Variants in GRM3 observed in about 807,000 individuals in gnomAD.
GRM3 encodes the protein metabotropic glutamate receptor 3.
GRM3 carries 26 observed loss-of-function variants against 70.5 expected under a neutral mutation model. That is an observed-to-expected ratio of 0.37 (90% CI 0.27 to 0.51). The LOEUF (loss-of-function observed/expected upper bound fraction) is 0.51, where lower values mean the gene tolerates loss of function less well. Ranked by LOEUF, GRM3 falls within the 20% of genes least tolerant of loss-of-function variation. The pLI, the probability that GRM3 is intolerant of heterozygous loss-of-function variation, is 0.93. For synonymous variants in GRM3, 443 were observed against 434.9 expected, an observed-to-expected ratio of 1.02 and a Z score of -0.23; for missense variants, 859 against 1,123.8, an observed-to-expected ratio of 0.76 and a Z score of 3.37.
chr7:86,863,633 C>A (rs767604313), intron 5 of GRM3, among the ~76,000 whole-genome samples: 5 of 152,096 alleles, frequency 3.3e-5, no homozygotes, highest in Non-Finnish European at 7.4e-5. Context: ...TATATCAAAC[C>A]AGTCTCTAAG....
chr7:86,670,418 T>C (rs1050361494), intron 1 of GRM3, among the ~76,000 whole-genome samples: 3 of 152,178 alleles, frequency 2.0e-5, no homozygotes, highest in Admixed American at 2.0e-4. Context: ...TGCCTGTCAA[T>C]TTCTCGTGTC....
chr7:86,847,786 T>G (rs1200358341), intron 4 of GRM3, among the ~76,000 whole-genome samples: 8 of 152,080 alleles, frequency 5.3e-5, no homozygotes, highest in Non-Finnish European at 1.2e-4. Context: ...GAACACAGAA[T>G]TACAGATAAA....
intron 1 of GRM3, among the ~76,000 whole-genome samples, chr7:86,686,089 T>C (rs1794560007): frequency 6.6e-6 from 1 of 152,114 alleles, no homozygotes; most frequent in African/African-American, 2.4e-5. Flanking sequence ...TGTCAGACTC[T>C]CACACTATAA....
intron 1 of GRM3, among the ~76,000 whole-genome samples, chr7:86,676,401 A>G (rs1189712969): frequency 6.7e-6 from 1 of 149,440 alleles, no homozygotes; most frequent in East Asian, 2.0e-4. Context: ...TAACAAGGTA[A>G]AATACCAAAT....
intron 1 of GRM3, among the ~76,000 whole-genome samples, chr7:86,747,780 C>A (rs1013965006): frequency 6.6e-6 from 1 of 152,136 alleles, no homozygotes; most frequent in Non-Finnish European, 1.5e-5. Context: ...TCTTCAAGAA[C>A]ATAACACAGT....
chr7:86,782,689 G>A (rs544003145), intron 2 of GRM3, among the ~76,000 whole-genome samples: 2 of 152,322 alleles, frequency 1.3e-5, no homozygotes, highest in East Asian at 1.9e-4. Flanking sequence ...CCCATTCTGT[G>A]TTGCTGGTTC....
At chr7:86,769,612 T>C (rs1796689192) in intron 2 of GRM3, among the ~76,000 whole-genome samples, 1 of 152,172 alleles carries the variant, frequency 6.6e-6, no homozygotes, top group African/African-American at 2.4e-5. Flanking sequence ...ATAGGAGATA[T>C]GCCATGCTGT....
Position 86,859,775 on chromosome 7 carries a change from T to C in GRM3, c.2567-4507T>C, listed in dbSNP as rs191076820. The stretch of plus-strand genomic sequence containing the variant: ...ATTAAATAAATATATTTAGCATTGA[T>C]TGAGGGTCCAATTATCTGAAAAAAT... On this transcript the variant is annotated intron_variant, in intron 5 of 5. Coordinates refer to ENST00000361669, the MANE Select transcript of GRM3 (RefSeq NM_000840.3). Among the ~76,000 whole-genome samples, 30 of 152,310 alleles carry C rather than the reference T, an allele frequency of 2.0e-4. No individual in the cohort carries two copies. The East Asian group carries it at 4.3e-3, about 22-fold the overall frequency.
At chr7:86,801,500 A>G (rs546591846) in intron 3 of GRM3, among the ~76,000 whole-genome samples, 1 of 152,326 alleles carries the variant, frequency 6.6e-6, no homozygotes, top group East Asian at 1.9e-4. Flanking sequence ...GGCAATGGTG[A>G]CATATGTACA....
chr7:86,800,558 G>A lies in GRM3; in HGVS notation c.1324+13442G>A, dbSNP rs146720382. ...ATATAGAATAAATGGATAAATTCCT[G>A]GACACATACATCTTCCCAAGGCTGA... On this transcript the variant is annotated intron_variant, in intron 3 of 5. Transcript: ENST00000361669. Among the ~76,000 whole-genome samples the A allele has an allele frequency of 2.4e-4, 37 of 152,194 alleles. 1 individual carries two copies. Among genetic ancestry groups the A allele is most frequent in the African/African-American group, 7.9e-4 (33 of 41,532 alleles).
chr7:86,858,097 C>T (rs1444328867), intron 5 of GRM3, among the ~76,000 whole-genome samples: 1 of 152,072 alleles, frequency 6.6e-6, no homozygotes, highest in Non-Finnish European at 1.5e-5. Context: ...GCTGGGACTA[C>T]AGGCACCCGC....
intron 1 of GRM3, among the ~76,000 whole-genome samples, chr7:86,763,443 A>G (rs1796528394): frequency 6.6e-6 from 1 of 152,162 alleles, no homozygotes; most frequent in East Asian, 1.9e-4. Flanking sequence ...AGTGCTAGAA[A>G]GCTGAGTGTC....
chr7:86,718,018 G>A (rs1649581109), intron 1 of GRM3, among the ~76,000 whole-genome samples: 1 of 120,504 alleles, frequency 8.3e-6, no homozygotes, highest in Admixed American at 9.5e-5. Flanking sequence ...AATTCTCATG[G>A]GTTCCTAAAA....
rs374144916 is a variant in GRM3, at chr7:86,839,160, G to T, written c.1646G>T (p.Cys549Phe). The change falls in exon 4 of 6, where the codon TGT (cysteine) becomes TTT (phenylalanine). Residue 549 changes from cysteine to phenylalanine, a missense_variant. Physicochemically the swap from Cys to Phe is radical, Grantham distance 205 (BLOSUM62 -2). Transcript: ENST00000361669. The surrounding 1 kb of genome is among the most constrained non-coding windows in gnomAD (Gnocchi z 4.5). ...GCTGATGAGTTTACCTGTATGGATT[G>T]TGGGTCTGGACAGTGGCCCACTGCA... Reference protein sequence around the residue: ...YLADEFTCMDCGSGQWPTADL... With the variant: ...YLADEFTCMDFGSGQWPTADL... The T allele has an allele frequency of 6.2e-7, 1 of 1,614,048 alleles. No individual in the cohort carries two copies.
chr7:86,656,193 C>T (rs1257616644), intron 1 of GRM3, among the ~76,000 whole-genome samples: 2 of 151,128 alleles, frequency 1.3e-5, no homozygotes, highest in Non-Finnish European at 2.9e-5. Flanking sequence ...GCTGGTCCTT[C>T]TCTCATCCTT....
At chr7:86,767,514 C>CATATAT (rs3057233) in intron 2 of GRM3, among the ~76,000 whole-genome samples, 27 of 100,116 alleles carry the variant, frequency 2.7e-4, no homozygotes, top group Non-Finnish European at 4.1e-4. Context: ...GGTCATACTT[C>CATATAT]ATATATATAT....
intron 1 of GRM3, among the ~76,000 whole-genome samples, chr7:86,736,439 T>C (rs1795860315): frequency 1.3e-5 from 2 of 152,210 alleles, no homozygotes; most frequent in Non-Finnish European, 2.9e-5. Flanking sequence ...AAATAAATAA[T>C]GTCTCAACAC....
chr7:86,662,223 A>G (rs1269434844), intron 1 of GRM3, among the ~76,000 whole-genome samples: 2 of 151,866 alleles, frequency 1.3e-5, no homozygotes, highest in African/African-American at 4.8e-5. Context: ...CAGAACCACA[A>G]ATTATCTTTC....
chr7:86,840,581 A>G (rs1798540785), intron 4 of GRM3, among the ~76,000 whole-genome samples: 1 of 152,086 alleles, frequency 6.6e-6, no homozygotes. Flanking sequence ...CCTTATAATT[A>G]CCATCTCTTT....
Sources: gnomAD v4.1 joint callset for allele counts (sites outside exome capture counted in the v4.1 genomes callset) on GRCh38, gnomAD v4.1.1 for gene constraint, Gnocchi (gnomAD v3.1) non-coding constraint, MANE v1.5 for transcripts, NCBI Gene and HGNC (gene_info 2026-07-23, HGNC 2026-07-21) for gene names.